The following SNX30 variants were observed in gnomAD, a reference collection of about 807,000 sequenced individuals.
SNX30 encodes the protein sorting nexin-30.
Under a neutral mutation model 46.4 loss-of-function variants are expected in SNX30, and 24 were observed. That is an observed-to-expected ratio of 0.52 (90% CI 0.37 to 0.73). The LOEUF (loss-of-function observed/expected upper bound fraction) is 0.73. Among genes scored for constraint, SNX30 ranks in the 30% least tolerant of loss-of-function variants. SNX30 has a pLI of 0.00. For synonymous variants in SNX30, 189 were observed against 211.5 expected (o/e 0.89, Z 0.92); for missense variants, 533 against 555.7 (o/e 0.96, Z 0.41).
At chr9:112,810,908 A>G (rs1840309216) in intron 2 of SNX30, among the ~76,000 whole-genome samples, 1 of 152,056 alleles carries the variant, frequency 6.6e-6, no homozygotes, top group Non-Finnish European at 1.5e-5. Flanking sequence ...AGCTGTGTGG[A>G]ACGAGGAGCA....
In SNX30 at chr9:112,765,336, A is replaced by G. The variant is rs367968315; in HGVS notation, c.156+14179A>G. On this transcript the variant is annotated intron_variant, in intron 1 of 8. Transcript: ENST00000374232. Reference sequence around the variant, plus strand: ...TAAAATTCACCCTTTTAAAGCATACATTTTAGTGGTTTTGAATATATTCAC... The same window carrying G: ...TAAAATTCACCCTTTTAAAGCATACGTTTTAGTGGTTTTGAATATATTCAC... 8.5e-5 allele frequency among the ~76,000 whole-genome samples: 13 copies of G among 152,346 alleles called. No individual in the cohort carries two copies. The South Asian group carries it at 2.7e-3, about 32-fold the overall frequency.
At chr9:112,837,210 A>AT (rs371534570) in intron 5 of SNX30, among the ~76,000 whole-genome samples, 44 of 149,814 alleles carry the variant, frequency 2.9e-4, no homozygotes, top group East Asian at 2.4e-3. Context: ...AAAAATCAAC[A>AT]TTTTTTTTTT....
At chr9:112,760,510 T>C (rs997499569) in intron 1 of SNX30, among the ~76,000 whole-genome samples, 1 of 152,162 alleles carries the variant, frequency 6.6e-6, no homozygotes, top group Non-Finnish European at 1.5e-5. Context: ...AAAGAATGTC[T>C]TGCCTTTCTA....
chr9:112,822,381 T>A (rs1276598728), intron 3 of SNX30, among the ~76,000 whole-genome samples: 1 of 152,186 alleles, frequency 6.6e-6, no homozygotes, highest in Non-Finnish European at 1.5e-5. Context: ...TTTTTAAAGC[T>A]TTTTTGAGAT....
intron 8 of SNX30, among the ~76,000 whole-genome samples, chr9:112,864,601 G>C (rs1841289228): frequency 6.6e-6 from 1 of 152,190 alleles, no homozygotes; most frequent in African/African-American, 2.4e-5. Context: ...GCTCACAGGG[G>C]TTTCCCTTGC....
intron 1 of SNX30, among the ~76,000 whole-genome samples, chr9:112,783,143 A>G (rs1230214454): frequency 1.3e-5 from 2 of 152,198 alleles, no homozygotes; most frequent in Non-Finnish European, 2.9e-5. Context: ...GCAAAGGTGA[A>G]TGTGGTGGTA....
intron 4 of SNX30, 23 bp from the exon 5 acceptor site, chr9:112,836,191 G>T (rs752479033): frequency 6.3e-7 from 1 of 1,575,338 alleles, no homozygotes; most frequent in Admixed American, 1.7e-5. Context: ...AGTGCTTTGA[G>T]CTTATTCACA....
At chr9:112,770,913 T>C (rs1839637944) in intron 1 of SNX30, among the ~76,000 whole-genome samples, 1 of 152,138 alleles carries the variant, frequency 6.6e-6, no homozygotes, top group African/African-American at 2.4e-5. Context: ...GGAGAATCTC[T>C]TGAACCCAGG....
chr9:112,838,475 A>G, intron 5 of SNX30, 23 bp from the exon 6 acceptor site: 1 of 1,582,524 alleles, frequency 6.3e-7, no homozygotes, highest in Non-Finnish European at 8.6e-7. Flanking sequence ...CCAGATTTTA[A>G]TTAGTTTCTG....
chr9:112,782,490 C>T (rs770416542), intron 1 of SNX30, among the ~76,000 whole-genome samples: 3 of 152,214 alleles, frequency 2.0e-5, no homozygotes, highest in Non-Finnish European at 4.4e-5. Context: ...TGTTCCTTAA[C>T]AAAAAAGTTT....
At chr9:112,795,226 G>A (rs1203122443) in intron 1 of SNX30, among the ~76,000 whole-genome samples, 1 of 152,120 alleles carries the variant, frequency 6.6e-6, no homozygotes, top group East Asian at 1.9e-4. Flanking sequence ...CACCAGCCAT[G>A]TACCACACAC....
chr9:112,826,046 A>G (rs1840575070), intron 3 of SNX30, among the ~76,000 whole-genome samples: 1 of 152,212 alleles, frequency 6.6e-6, no homozygotes, highest in Non-Finnish European at 1.5e-5. Context: ...AATCTGAAGA[A>G]TGGACCCCTA....
At chr9:112,826,907 C>T (rs377140415) in intron 3 of SNX30, among the ~76,000 whole-genome samples, 3 of 152,302 alleles carry the variant, frequency 2.0e-5, no homozygotes, top group East Asian at 1.9e-4. Flanking sequence ...CTGAGTGGCC[C>T]GTCTGTCTGA....
At chr9:112,764,986 A>G (rs56335181) in intron 1 of SNX30, among the ~76,000 whole-genome samples, 27,226 of 152,116 alleles carry the variant, frequency 0.18, 2,793 homozygotes, top group Admixed American at 0.25. Context: ...CCCAGGGGAA[A>G]AGGTCAGGGA....
intron 1 of SNX30, among the ~76,000 whole-genome samples, chr9:112,756,173 G>A (rs1013375463): frequency 2.6e-5 from 4 of 152,138 alleles, no homozygotes; most frequent in African/African-American, 9.7e-5. Flanking sequence ...TCTGTGCCTG[G>A]GAAGGGAGGA....
chr9:112,818,749 T>TC lies in SNX30; in HGVS notation c.459+940dup, dbSNP rs543686948. Among the ~76,000 whole-genome samples the TC allele has an allele frequency of 1.6e-3, 244 of 152,186 alleles. 2 individuals are homozygous for TC. The highest frequency in any genetic ancestry group is 5.3e-3 in the African/African-American group (221 of 41,514). On this transcript the variant is annotated intron_variant, in intron 3 of 8. Transcript: ENST00000374232. ...TTACTACCGCATCTCCCAGCCTTTT[T>TC]CCCCCCATGGTTAGAAGAGGCTGTG...
At chr9:112,810,127 T>C (rs761233023) in intron 2 of SNX30, among the ~76,000 whole-genome samples, 1 of 152,144 alleles carries the variant, frequency 6.6e-6, no homozygotes, top group Non-Finnish European at 1.5e-5. Context: ...TCTCTCTGAA[T>C]AGATGATGAA....
intron 8 of SNX30, among the ~76,000 whole-genome samples, chr9:112,868,311 G>A (rs964349937): frequency 6.6e-6 from 1 of 152,312 alleles, no homozygotes; most frequent in East Asian, 1.9e-4. Flanking sequence ...CTTGAGGTTG[G>A]TGAGGAAGAG....
intron 1 of SNX30, among the ~76,000 whole-genome samples, chr9:112,761,714 C>T (rs1018932066): frequency 2.6e-5 from 4 of 152,094 alleles, no homozygotes; most frequent in East Asian, 3.9e-4. Context: ...AGCACATGTG[C>T]GAGTGAAGTG....
Sources: gnomAD v4.1 joint callset for allele counts (sites outside exome capture counted in the v4.1 genomes callset) on GRCh38, gnomAD v4.1.1 for gene constraint, MANE v1.5 for transcripts, NCBI Gene and HGNC (gene_info 2026-07-23, HGNC 2026-07-21) for gene names.